Variants in BRINP1 observed in about 807,000 individuals in gnomAD.
BRINP1 encodes the protein BMP/retinoic acid inducible neural specific 1.
A neutral mutation model predicts 72.9 loss-of-function variants in BRINP1; 17 were observed. That is an observed-to-expected ratio of 0.23 (90% CI 0.16 to 0.35). BRINP1 has a LOEUF of 0.35. Ranked by LOEUF, BRINP1 falls within the 10% of genes least tolerant of loss-of-function variation. BRINP1 has a pLI of 1.00. For missense variants in BRINP1, 850 were observed against 1,001.6 expected (o/e 0.85, Z 2.04); for synonymous variants, 418 against 378.5 (o/e 1.10, Z -1.21).
intron 2 of BRINP1, among the ~76,000 whole-genome samples, chr9:119,306,948 G>C (rs1831003028): frequency 6.6e-6 from 1 of 151,962 alleles, no homozygotes; most frequent in African/African-American, 2.4e-5. Flanking sequence ...AACTCATGAA[G>C]ACCAAAATCT....
intron 7 of BRINP1, among the ~76,000 whole-genome samples, chr9:119,200,474 G>A (rs1588162172): frequency 1.3e-5 from 2 of 151,840 alleles, no homozygotes; most frequent in Admixed American, 1.3e-4. Context: ...AATTAGATAA[G>A]CTAGCCAGGT....
chr9:119,217,808 A>C (rs1829994667), intron 5 of BRINP1, among the ~76,000 whole-genome samples: 1 of 151,906 alleles, frequency 6.6e-6, no homozygotes, highest in Non-Finnish European at 1.5e-5. Flanking sequence ...TTATCTCCTA[A>C]TATTCTCTTC....
intron 1 of BRINP1, among the ~76,000 whole-genome samples, chr9:119,363,058 C>G (rs757782033): frequency 6.6e-6 from 1 of 152,174 alleles, no homozygotes; most frequent in African/African-American, 2.4e-5. Context: ...ATCTCTTAGA[C>G]TTCCTAAGCT....
intron 2 of BRINP1, among the ~76,000 whole-genome samples, chr9:119,298,966 T>A (rs954649305): frequency 6.6e-6 from 1 of 152,276 alleles, no homozygotes; most frequent in Admixed American, 6.5e-5. Flanking sequence ...AAATTGCATA[T>A]ATTTTTGGTA....
At chr9:119,273,970 G>A (rs1189789524) in intron 2 of BRINP1, among the ~76,000 whole-genome samples, 5 of 152,134 alleles carry the variant, frequency 3.3e-5, no homozygotes, top group Non-Finnish European at 7.4e-5. Context: ...TGTATTTTCA[G>A]AACCTGGCAT....
intron 1 of BRINP1, among the ~76,000 whole-genome samples, chr9:119,360,839 T>C (rs1215827986): frequency 2.6e-5 from 4 of 152,206 alleles, no homozygotes; most frequent in Non-Finnish European, 5.9e-5. Context: ...CAAAGGGTTC[T>C]AGCTGTTCAC....
chr9:119,343,150 GTACTT>G (rs1275999779), intron 1 of BRINP1, among the ~76,000 whole-genome samples: 1 of 152,134 alleles, frequency 6.6e-6, no homozygotes, highest in Non-Finnish European at 1.5e-5. Flanking sequence ...CAGCAGAATG[GTACTT>G]TGGCTGCTGT....
At chr9:119,263,147 G>C (rs1002539446) in intron 2 of BRINP1, among the ~76,000 whole-genome samples, 3 of 152,144 alleles carry the variant, frequency 2.0e-5, no homozygotes, top group Admixed American at 2.0e-4. Flanking sequence ...TGCCATCTGT[G>C]TTATTTTGAC....
chr9:119,260,924 G>T (rs996230448), intron 2 of BRINP1, among the ~76,000 whole-genome samples: 55 of 152,092 alleles, frequency 3.6e-4, no homozygotes, highest in African/African-American at 1.2e-3. Flanking sequence ...TAGTTGGTAG[G>T]ATCTGATGAG....
intron 2 of BRINP1, among the ~76,000 whole-genome samples, chr9:119,309,502 G>T (rs1831037754): frequency 6.6e-6 from 1 of 152,184 alleles, no homozygotes; most frequent in South Asian, 2.1e-4. Context: ...GCTATGAGGA[G>T]TTAATGACTA....
chr9:119,199,969 G>C (rs767760138), intron 7 of BRINP1, among the ~76,000 whole-genome samples: 1 of 152,108 alleles, frequency 6.6e-6, no homozygotes, highest in Non-Finnish European at 1.5e-5. Flanking sequence ...GTTACGATCT[G>C]TTCACAAATT....
In BRINP1 at chr9:119,167,078, C is replaced by G. The variant is rs758079815; in HGVS notation, c.*6G>C. The G allele has an allele frequency of 6.3e-7, 1 of 1,586,392 alleles. No individual in the cohort carries two copies. The highest frequency in any genetic ancestry group is 2.2e-5 in the East Asian group (1 of 44,504). ...ACAGGAAAAGTCCATGGCAAGGAGTCCCGGGTTAGCAGAGTTTGGCTGTCA... is the reference window on the plus strand; with the variant it reads ...ACAGGAAAAGTCCATGGCAAGGAGTGCCGGGTTAGCAGAGTTTGGCTGTCA... On this transcript the variant is annotated 3_prime_UTR_variant, in exon 8 of 8. Coordinates refer to ENST00000265922, the MANE Select transcript of BRINP1 (RefSeq NM_014618.3). This position sits in a 1 kb window ranked among gnomAD's most constrained non-coding sequence, Gnocchi z 4.3.
intron 2 of BRINP1, among the ~76,000 whole-genome samples, chr9:119,309,362 C>T (rs1831036369): frequency 6.6e-6 from 1 of 152,136 alleles, no homozygotes; most frequent in African/African-American, 2.4e-5. Context: ...GGCCCATGTT[C>T]GGAAGTCCCA....
intron 2 of BRINP1, among the ~76,000 whole-genome samples, chr9:119,298,865 A>T (rs1458055603): frequency 2.0e-5 from 3 of 152,074 alleles, no homozygotes; most frequent in Non-Finnish European, 2.9e-5. Flanking sequence ...TTTCTTTTGT[A>T]TCCAACTTAG....
intron 7 of BRINP1, among the ~76,000 whole-genome samples, chr9:119,205,766 T>C (rs1829847720): frequency 6.6e-6 from 1 of 152,180 alleles, no homozygotes; most frequent in East Asian, 1.9e-4. Context: ...GCCTAATGTC[T>C]TTGGGACCTT....
At chr9:119,252,702 T>C (rs1830405586) in intron 2 of BRINP1, among the ~76,000 whole-genome samples, 1 of 151,922 alleles carries the variant, frequency 6.6e-6, no homozygotes, top group South Asian at 2.1e-4. Context: ...AGCTAATGAG[T>C]GGTAGAATTG....
At chr9:119,311,266 G>A (rs977351486) in intron 2 of BRINP1, among the ~76,000 whole-genome samples, 1 of 152,142 alleles carries the variant, frequency 6.6e-6, no homozygotes, top group African/African-American at 2.4e-5. Context: ...ATGACCAGGG[G>A]CCTAACTTCT....
At chr9:119,237,837 T>A (rs1295755189) in intron 5 of BRINP1, among the ~76,000 whole-genome samples, 1 of 151,822 alleles carries the variant, frequency 6.6e-6, no homozygotes, top group Non-Finnish European at 1.5e-5. Context: ...AATTTTTGTA[T>A]TTTTAGTAGA....
At chr9:119,325,117 A>AAAGG (rs1491255891) in intron 1 of BRINP1, among the ~76,000 whole-genome samples, 1 of 152,068 alleles carries the variant, frequency 6.6e-6, no homozygotes, top group African/African-American at 2.4e-5. Context: ...AGAAAGAAAG[A>AAAGG]AAGAGAGAGA....
Sources: gnomAD v4.1 joint callset for allele counts (sites outside exome capture counted in the v4.1 genomes callset) on GRCh38, gnomAD v4.1.1 for gene constraint, Gnocchi (gnomAD v3.1) non-coding constraint, MANE v1.5 for transcripts, NCBI Gene and HGNC (gene_info 2026-07-23, HGNC 2026-07-21) for gene names.